Variants in LRRC74A observed in about 807,000 individuals in gnomAD.
LRRC74A encodes leucine-rich repeat-containing protein 74A.
Under a neutral mutation model 57.9 loss-of-function variants are expected in LRRC74A, and 44 were observed. The ratio of observed to expected loss-of-function variants is 0.76; its 90% CI spans 0.60 to 0.98. The LOEUF is 0.98. LRRC74A is among the 50% of genes least tolerant of loss of function. The pLI is 0.00. For synonymous variants in LRRC74A, 211 were observed against 219.4 expected (o/e 0.96, Z 0.34); for missense variants, 572 against 574.0 (o/e 1.00, Z 0.04).
Position 76,838,527 on chromosome 14 carries a change from A to G in LRRC74A, c.544+556A>G, listed in dbSNP as rs368561987. On this transcript the variant is annotated intron_variant, in intron 5 of 13. Coordinates refer to ENST00000689127, the MANE Select transcript of LRRC74A (RefSeq NM_001385106.1). Reference sequence around the variant, plus strand: ...ACATAGAGAATATAAAAGATAAAAGAATGAAATGAATGACTAGTTTCCAGA... The same window carrying G: ...ACATAGAGAATATAAAAGATAAAAGGATGAAATGAATGACTAGTTTCCAGA... Among the ~76,000 whole-genome samples the G allele has an allele frequency of 5.3e-5, 8 of 152,360 alleles. 1 individual carries two copies. Among genetic ancestry groups the G allele is most frequent in the East Asian group, 3.8e-4 (2 of 5,196 alleles).
chr14:76,859,548 A>G lies in LRRC74A; in HGVS notation c.1054-1145A>G, dbSNP rs1595391843. ...AAACTCCATCTCAAAAAAAAAAAAA[A>G]AAAGAAACATAAAAGAAATGGTGCT... On this transcript the variant is annotated intron_variant, in intron 10 of 13. Transcript: ENST00000689127. 3.3e-5 allele frequency among the ~76,000 whole-genome samples: 5 copies of G among 151,540 alleles called. No individual in the cohort carries two copies. The South Asian group carries it at 1.0e-3, about 32-fold the overall frequency.
intron 2 of LRRC74A, 57 bp from the exon 3 acceptor site, chr14:76,831,146 G>C: frequency 1.3e-6 from 2 of 1,555,966 alleles, no homozygotes; most frequent in Non-Finnish European, 8.8e-7. Flanking sequence ...TGGGGCTAGA[G>C]GGGAGAGAAG....
Position 76,862,621 on chromosome 14 carries a change from G to A in LRRC74A, c.1200+1782G>A, listed in dbSNP as rs551904345. Among the ~76,000 whole-genome samples, 8 of 152,250 alleles carry A rather than the reference G, an allele frequency of 5.3e-5. No homozygotes were observed. In the East Asian group the frequency reaches 5.8e-4, roughly 11 times the overall value. On this transcript the variant is annotated intron_variant, in intron 11 of 13. Transcript: ENST00000689127. ...GTCAGAATCCAAATAAGAGATCAACGTAGGATTCGGCAACCAGAAAAGGAT... is the reference window on the plus strand; with the variant it reads ...GTCAGAATCCAAATAAGAGATCAACATAGGATTCGGCAACCAGAAAAGGAT...
At chr14:76,857,801 G>A (rs888349901) in intron 10 of LRRC74A, among the ~76,000 whole-genome samples, 1 of 152,222 alleles carries the variant, frequency 6.6e-6, no homozygotes, top group Non-Finnish European at 1.5e-5. Context: ...CATCAGCTTT[G>A]CAGATGAGTG....
At chr14:76,833,474 C>T (rs1021474954) in intron 3 of LRRC74A, among the ~76,000 whole-genome samples, 3 of 139,426 alleles carry the variant, frequency 2.2e-5, no homozygotes, top group African/African-American at 8.0e-5. Context: ...CAGAGTCTCA[C>T]TCTGTCTCCC....
intron 2 of LRRC74A, among the ~76,000 whole-genome samples, chr14:76,829,748 CT>C (rs1895841606): frequency 6.6e-6 from 1 of 152,204 alleles, no homozygotes; most frequent in African/African-American, 2.4e-5. Context: ...AAACTCTGTC[CT>C]GAATGGTAAC....
intron 7 of LRRC74A, among the ~76,000 whole-genome samples, chr14:76,848,424 C>T (rs1460168382): frequency 1.1e-4 from 17 of 151,232 alleles, no homozygotes; most frequent in Admixed American, 1.1e-3. Context: ...CAAAAACTAG[C>T]TGGGCATGGT....
chr14:76,858,093 T>A (rs1166398795), intron 10 of LRRC74A, among the ~76,000 whole-genome samples: 1 of 152,228 alleles, frequency 6.6e-6, no homozygotes, highest in Non-Finnish European at 1.5e-5. Context: ...CCAGCTCATT[T>A]TTATCCTACT....
chr14:76,837,945 C>A lies in LRRC74A; in HGVS notation c.518C>A (p.Ser173Tyr). Residue 173 changes from serine to tyrosine, a missense_variant, in exon 5 of 14, where the codon TCT (serine) becomes TAT (tyrosine). Physicochemically the swap from Ser to Tyr is moderately radical, Grantham distance 144. Coordinates refer to ENST00000689127, the MANE Select transcript of LRRC74A (RefSeq NM_001385106.1). Reference sequence around the variant, plus strand: ...TCAGATTTCTTTGAGAGAAACAGTTCTTCTATCTGGAGCCTTGAGCTTTCA... The same window carrying A: ...TCAGATTTCTTTGAGAGAAACAGTTATTCTATCTGGAGCCTTGAGCTTTCA... ...IISDFFERNS[S>Y]SIWSLELSGN... is the part of the protein sequence containing the mutation. 6.3e-7 allele frequency: 1 copy of A among 1,581,232 alleles called. No individual in the cohort carries two copies.
rs192493438 is a variant in LRRC74A at position 76,862,469 on chromosome 14, G to A, written c.1200+1630G>A. 2.3e-3 allele frequency among the ~76,000 whole-genome samples: 343 copies of A among 152,106 alleles called. 2 individuals are homozygous for A. The highest frequency in any genetic ancestry group is 7.5e-3 in the African/African-American group (313 of 41,472). On this transcript the variant is annotated intron_variant, in intron 11 of 13. Transcript: ENST00000689127. Reference sequence around the variant, plus strand: ...CGCTCGACGCTTGAACCCAGGAGGCGGAGGCTGCAGCGAGCTGAGATTATG... The same window carrying A: ...CGCTCGACGCTTGAACCCAGGAGGCAGAGGCTGCAGCGAGCTGAGATTATG...
Position 76,865,302 on chromosome 14 carries a change from G to A in LRRC74A, c.1201-666G>A, listed in dbSNP as rs370112711. 2.9e-4 allele frequency among the ~76,000 whole-genome samples: 44 copies of A among 152,264 alleles called. 1 individual carries two copies. The South Asian group carries it at 7.0e-3, about 24-fold the overall frequency. On this transcript the variant is annotated intron_variant, in intron 11 of 13. Transcript: ENST00000689127. ...AGTATTTGAGGAATGAGAAACCCACGGATATGGAGGGCCTGCCTTTTCATA... is the reference window on the plus strand; with the variant it reads ...AGTATTTGAGGAATGAGAAACCCACAGATATGGAGGGCCTGCCTTTTCATA...
At chr14:76,856,392 C>T (rs922963388) in intron 9 of LRRC74A, among the ~76,000 whole-genome samples, 1 of 152,218 alleles carries the variant, frequency 6.6e-6, no homozygotes, top group African/African-American at 2.4e-5. Context: ...GCCTGTCTCC[C>T]CCAATTACAG....
At chr14:76,846,730 AT>A (rs1303263947) in intron 7 of LRRC74A, among the ~76,000 whole-genome samples, 1 of 152,188 alleles carries the variant, frequency 6.6e-6, no homozygotes, top group African/African-American at 2.4e-5. Flanking sequence ...TGGTTGGATG[AT>A]GGTGTTGTTT....
chr14:76,836,089 C>T (rs1896308518), intron 3 of LRRC74A, 118 bp from the exon 4 acceptor site: 2 of 730,572 alleles, frequency 2.7e-6, no homozygotes, highest in Admixed American at 4.8e-5. Context: ...GCCAGGCCTT[C>T]AGAATTCCTA....
At chr14:76,866,948 G>T (rs1898864890) in intron 12 of LRRC74A, among the ~76,000 whole-genome samples, 1 of 28,102 alleles carries the variant, frequency 3.6e-5, no homozygotes, top group South Asian at 1.1e-3. Flanking sequence ...TAGGTGTGTG[G>T]GGTGTGTGTG....
chr14:76,864,892 C>T (rs545169114), intron 11 of LRRC74A, among the ~76,000 whole-genome samples: 16 of 152,106 alleles, frequency 1.1e-4, no homozygotes, highest in African/African-American at 3.9e-4. Flanking sequence ...ATTATAATGA[C>T]ATTGAAAAGG....
rs192002479 is a variant in LRRC74A, at chr14:76,844,106, C to T, written c.545-317C>T. 5.6e-3 allele frequency among the ~76,000 whole-genome samples: 851 copies of T among 152,296 alleles called. 8 individuals are homozygous for T. The highest frequency in any genetic ancestry group is 0.019 in the African/African-American group (796 of 41,556). The stretch of plus-strand genomic sequence containing the variant: ...CTCGACCTCCTGGGTTCAAGTGATC[C>T]TCCCACCTCAGCCTCCAAAGTAGCT... On this transcript the variant is annotated intron_variant, in intron 5 of 13. Transcript: ENST00000689127.
chr14:76,829,108 G>A, intron 2 of LRRC74A: 1 of 1,289,386 alleles, frequency 7.8e-7, no homozygotes. Flanking sequence ...AAGAAGGGAA[G>A]CACCGAAAGA....
intron 7 of LRRC74A, among the ~76,000 whole-genome samples, chr14:76,850,664 C>G (rs896677407): frequency 6.6e-6 from 1 of 151,778 alleles, no homozygotes; most frequent in Non-Finnish European, 1.5e-5. Flanking sequence ...GTCAGGAGTT[C>G]GAGACCAGCC....
Sources: gnomAD v4.1 joint callset for allele counts (sites outside exome capture counted in the v4.1 genomes callset) on GRCh38, gnomAD v4.1.1 for gene constraint, MANE v1.5 for transcripts, NCBI Gene and HGNC (gene_info 2026-07-23, HGNC 2026-07-21) for gene names.